The following SHANK1 variants were observed in gnomAD, a reference collection of about 807,000 sequenced individuals.
SHANK1 encodes SH3 and multiple ankyrin repeat domains 1.
Under a neutral mutation model 165.6 loss-of-function variants are expected in SHANK1, and 35 were observed. The observed-to-expected ratio is 0.21, with a 90% CI of 0.16 to 0.28. The LOEUF (loss-of-function observed/expected upper bound fraction) is 0.28. Among genes scored for constraint, SHANK1 ranks in the 10% least tolerant of loss-of-function variants. The probability of loss-of-function intolerance (pLI) is 1.00; values close to 1 mark genes in which losing one functional copy is unlikely to be tolerated. For synonymous variants in SHANK1, 1,428 were observed against 1,384.8 expected (o/e 1.03, Z -0.69); for missense variants, 2,681 against 3,036.4 (o/e 0.88, Z 2.75).
chr19:50,691,708 A>T (rs1986544841), intron 15 of SHANK1, among the ~76,000 whole-genome samples: 1 of 151,854 alleles, frequency 6.6e-6, no homozygotes, highest in Non-Finnish European at 1.5e-5. Flanking sequence ...ACAGAATCTC[A>T]CTCTCTTGCC....
At chr19:50,692,588 C>T (rs1406236981) in intron 15 of SHANK1, among the ~76,000 whole-genome samples, 2 of 151,544 alleles carry the variant, frequency 1.3e-5, no homozygotes, top group Non-Finnish European at 2.9e-5. Context: ...GCTCCATTCC[C>T]CTCTCTGCTC....
chr19:50,695,533 C>A (rs1378827950), intron 15 of SHANK1, among the ~76,000 whole-genome samples: 2 of 151,576 alleles, frequency 1.3e-5, no homozygotes, highest in Non-Finnish European at 3.0e-5. Flanking sequence ...TAATCCCCCT[C>A]CCCCCTCCAG....
Position 50,666,974 on chromosome 19 carries a change from C to A in SHANK1, c.4986G>T (p.Gln1662His). Reference protein sequence around the residue: ...APAAPAPAAPQPGPDPPPGTD... With the variant: ...APAAPAPAAPHPGPDPPPGTD... ...TGCCAGGCGGAGGGTCCGGGCCAGG[C>A]TGTGGGGCAGCGGGAGCCGGTGCTG... is the stretch of plus-strand genomic sequence containing the variant. Residue 1662 changes from glutamine (Q) to histidine (H), a missense_variant, in exon 23 of 24, where the codon CAG becomes CAT. Coordinates refer to ENST00000293441, the MANE Select transcript of SHANK1 (RefSeq NM_016148.5). 1 of 1,584,060 alleles carries A rather than the reference C, an allele frequency of 6.3e-7. No individual in the cohort carries two copies. Among genetic ancestry groups the A allele is most frequent in the South Asian group, 1.1e-5 (1 of 87,086 alleles).
chr19:50,705,071 T>G (rs1236450478), intron 8 of SHANK1, among the ~76,000 whole-genome samples: 2 of 151,700 alleles, frequency 1.3e-5, no homozygotes, highest in African/African-American at 4.8e-5. Context: ...TCAGGTGTGG[T>G]GACACACACC....
In SHANK1 at chr19:50,688,132, G is replaced by T. The variant is rs1599855583; in HGVS notation, c.2173-74C>A. On this transcript the variant is annotated intron_variant, in intron 17 of 23. Transcript: ENST00000293441. This position sits in a 1 kb window ranked among gnomAD's most constrained non-coding sequence, Gnocchi z 6.7. ...TGCTTGCAGCTTCAGAGACCCCAAG[G>T]AGGATGCCTCCTGCGCTGCCCTGTC... is the stretch of plus-strand genomic sequence containing the variant. 6.3e-7 allele frequency: 1 copy of T among 1,574,822 alleles called. No individual in the cohort carries two copies. The highest frequency in any genetic ancestry group is 8.7e-7 in the Non-Finnish European group (1 of 1,153,528).
At position 50,662,262 on chromosome 19, in the gene SHANK1, C is replaced by T. The variant is rs774124847; in HGVS notation, c.6189G>A (p.Gly2063=). 7.4e-6 allele frequency: 12 copies of T among 1,610,924 alleles called. No homozygotes were observed. The highest frequency in any genetic ancestry group is 1.1e-5 in the South Asian group (1 of 90,880). Residue 2063 remains glycine, a synonymous_variant, in exon 24 of 24, where the codon GGG becomes GGA. Transcript: ENST00000293441. This position sits in a 1 kb window ranked among gnomAD's most constrained non-coding sequence, Gnocchi z 7.7. The part of the protein sequence containing the change: ...VFVPPHPGIS[G]GLGGALSGAS... ...CCCCTGACAAGGCTCCCCCGAGCCC[C>T]CCGGATATCCCCGGGTGTGGCGGCA... is the stretch of plus-strand genomic sequence containing the variant.
chr19:50,674,546 T>C (rs573817232), intron 21 of SHANK1, among the ~76,000 whole-genome samples: 50 of 152,248 alleles, frequency 3.3e-4, no homozygotes, highest in Middle Eastern at 3.4e-3. Context: ...TGGGCTCTGC[T>C]TGGGAAAGCT....
At position 50,661,766 on chromosome 19, in the gene SHANK1, A is replaced by C; in HGVS notation, c.*199T>G. ...ACACACACACACACACTCTTGTGTC[A>C]GCTGCCCCCCTTCAGTGAGGTGCAA... On this transcript the variant is annotated 3_prime_UTR_variant, in exon 24 of 24. Transcript: ENST00000293441. The C allele has an allele frequency of 3.5e-6, 2 of 577,762 alleles. No individual in the cohort carries two copies. Among genetic ancestry groups the C allele is most frequent in the Non-Finnish European group, 6.1e-6 (2 of 326,996 alleles). 35.8% of individuals were successfully genotyped at this position (577,762 alleles called of 1,614,324 possible).
intron 23 of SHANK1, among the ~76,000 whole-genome samples, chr19:50,664,390 A>G (rs1985398302): frequency 6.6e-6 from 1 of 152,192 alleles, no homozygotes; most frequent in Non-Finnish European, 1.5e-5. Flanking sequence ...TGCTCTGGGA[A>G]GCATCTGCAT....
intron 21 of SHANK1, among the ~76,000 whole-genome samples, chr19:50,678,505 G>A (rs529654128): frequency 1.1e-4 from 17 of 151,484 alleles, no homozygotes; most frequent in Admixed American, 1.1e-3. Context: ...GACAGTGGAG[G>A]GGTTGATGTG....
At chr19:50,682,306 G>A (rs1456589286) in intron 21 of SHANK1, among the ~76,000 whole-genome samples, 1 of 152,084 alleles carries the variant, frequency 6.6e-6, no homozygotes, top group African/African-American at 2.4e-5. Context: ...TGCCTGCCTT[G>A]GCCTCCCAAA....
intron 9 of SHANK1, 94 bp from the exon 10 acceptor site, chr19:50,704,280 C>T (rs1270123369): frequency 2.5e-5 from 35 of 1,398,126 alleles, no homozygotes; most frequent in Non-Finnish European, 3.4e-5. Flanking sequence ...CGACCCAAAC[C>T]TTCCACTCCG....
At chr19:50,693,859 C>A (rs1986626769) in intron 15 of SHANK1, among the ~76,000 whole-genome samples, 1 of 152,126 alleles carries the variant, frequency 6.6e-6, no homozygotes, top group Non-Finnish European at 1.5e-5. Flanking sequence ...ATGCACAGAC[C>A]CCCGGGGGCA....
At chr19:50,664,097 G>A (rs1985385489) in intron 23 of SHANK1, among the ~76,000 whole-genome samples, 1 of 146,136 alleles carries the variant, frequency 6.8e-6, no homozygotes, top group African/African-American at 2.5e-5. Context: ...AGGCCACTGT[G>A]CCCAGCCTCC....
Position 50,668,781 on chromosome 19 carries a change from C to T in SHANK1, c.3179G>A (p.Gly1060Glu). 7.9e-7 allele frequency: 1 copy of T among 1,270,164 alleles called. No homozygotes were observed. Among genetic ancestry groups the T allele is most frequent in the Admixed American group, 4.1e-5 (1 of 24,290 alleles). The allele number at this position is 1,270,164 out of a possible 1,614,324, so 78.7% of individuals were successfully genotyped here. A position where few individuals can be genotyped will look rare whatever the true frequency, so the allele number is the denominator to read the frequency against. The stretch of plus-strand genomic sequence containing the variant: ...GCCGTGGTGCGATGGGGACGGGGCC[C>T]CCGGGGTCGGGCTGGGCCCGCCGCC... The part of the protein sequence containing the change: ...WRGGGPSPTP[G>E]APSPSHHGSA... The change falls in exon 23 of 24, where the codon GGG becomes GAG. Residue 1060 changes from glycine to glutamate, a missense_variant. Physicochemically the swap from Gly to Glu is moderately conservative, Grantham distance 98. Around this residue, in one of 10 missense-constraint regions of SHANK1, gnomAD observed 1,713 missense variants for 1,630.2 expected, o/e 1.05. Transcript: ENST00000293441.
Position 50,686,146 on chromosome 19 carries a change from G to A in SHANK1, c.2577+91C>T, listed in dbSNP as rs1177129459. On this transcript the variant is annotated intron_variant, in intron 21 of 23. Transcript: ENST00000293441. This position sits in a 1 kb window ranked among gnomAD's most constrained non-coding sequence, Gnocchi z 5.7. ...TCCAGGACCAGCCTAAAGCACAGAGGCGTCAGGAGGGTTTTGGAAAGAGAA... is the reference window on the plus strand; with the variant it reads ...TCCAGGACCAGCCTAAAGCACAGAGACGTCAGGAGGGTTTTGGAAAGAGAA... 18 of 686,458 alleles carry A rather than the reference G, an allele frequency of 2.6e-5. No homozygotes were observed. The highest frequency in any genetic ancestry group is 4.2e-5 in the Non-Finnish European group (17 of 407,554). 42.5% of individuals were successfully genotyped at this position (686,458 alleles called of 1,614,324 possible).
intron 7 of SHANK1, 94 bp downstream of exon 7, chr19:50,711,853 A>G: frequency 7.2e-7 from 1 of 1,384,456 alleles, no homozygotes; most frequent in Non-Finnish European, 1.0e-6. Flanking sequence ...ATGCTCTGTG[A>G]GGACCCTGGC....
At position 50,686,941 on chromosome 19, in the gene SHANK1, C is replaced by T; in HGVS notation, c.2390-129G>A. The T allele has an allele frequency of 7.3e-7, 1 of 1,361,056 alleles. No individual in the cohort carries two copies. The highest frequency in any genetic ancestry group is 9.8e-7 in the Non-Finnish European group (1 of 1,019,832). 84.3% of individuals were successfully genotyped at this position (1,361,056 alleles called of 1,614,324 possible). On this transcript the variant is annotated intron_variant, in intron 19 of 23. Coordinates refer to ENST00000293441, the MANE Select transcript of SHANK1 (RefSeq NM_016148.5). This position sits in a 1 kb window ranked among gnomAD's most constrained non-coding sequence, Gnocchi z 5.7. Reference sequence around the variant, plus strand: ...CGGGCGCGAGAGGGGCAGTGAGGGGCCGGGGTCAGGGAGGGGCGAGTCCGC... The same window carrying T: ...CGGGCGCGAGAGGGGCAGTGAGGGGTCGGGGTCAGGGAGGGGCGAGTCCGC...
rs1385834593 is a variant in SHANK1, at chr19:50,689,219, C to A, written c.2025G>T (p.Gly675=). 6.8e-6 allele frequency: 11 copies of A among 1,612,464 alleles called. No individual in the cohort carries two copies. Among genetic ancestry groups the A allele is most frequent in the Non-Finnish European group, 9.3e-6 (11 of 1,179,092 alleles). The change falls in exon 16 of 24, where the codon GGG becomes GGT. Residue 675 remains glycine, a synonymous_variant. Transcript: ENST00000293441. The part of the protein sequence containing the change: ...LLQKKDSEGF[G]FVLRGAKAQT... ...CACCCTTGGCCCCCCGGAGCACGAA[C>A]CCAAACCCCTCACTGTCCTTCTTCT...
Sources: gnomAD v4.1 joint callset for allele counts (sites outside exome capture counted in the v4.1 genomes callset) on GRCh38, gnomAD v4.1.1 for gene constraint, gnomAD v4.1.1 regional missense constraint, Gnocchi (gnomAD v3.1) non-coding constraint, MANE v1.5 for transcripts, NCBI Gene and HGNC (gene_info 2026-07-23, HGNC 2026-07-21) for gene names.